The following ODAD1 variants were observed in gnomAD, a reference collection of about 807,000 sequenced individuals.
ODAD1 encodes outer dynein arm-docking complex subunit 1.
A neutral mutation model predicts 67.2 loss-of-function variants in ODAD1; 49 were observed. The ratio of observed to expected loss-of-function variants is 0.73; its 90% CI spans 0.58 to 0.92. ODAD1 has a LOEUF of 0.92. Among genes scored for constraint, ODAD1 ranks in the 40% least tolerant of loss-of-function variants. The pLI, the probability that ODAD1 is intolerant of heterozygous loss-of-function variation, is 0.00. For synonymous variants in ODAD1, 345 were observed against 393.7 expected (o/e 0.88, Z 1.46); for missense variants, 897 against 953.7 (o/e 0.94, Z 0.78).
At chr19:48,313,448 C>CAAAAAAAAAAAAAAAAAAAAAAA (rs1291428185) in intron 5 of ODAD1, among the ~76,000 whole-genome samples, 2 of 86,926 alleles carry the variant, frequency 2.3e-5, no homozygotes, top group African/African-American at 1.0e-4. Context: ...AAAAAAAAAC[C>CAAAAAAAAAAAAAAAAAAAAAAA]AAAAAAAAAC....
chr19:48,313,380 T>C (rs1968815169), intron 5 of ODAD1, among the ~76,000 whole-genome samples: 1 of 145,876 alleles, frequency 6.9e-6, no homozygotes, highest in Admixed American at 6.9e-5. Flanking sequence ...TGAGCTGAGA[T>C]TGTGCCACTG....
At position 48,298,309 on chromosome 19, in the gene ODAD1, G is replaced by A. The variant is rs555664154; in HGVS notation, c.1272C>T (p.Cys424=). 22 of 1,614,036 alleles carry A rather than the reference G, an allele frequency of 1.4e-5. No individual in the cohort carries two copies. The highest frequency in any genetic ancestry group is 6.7e-5 in the East Asian group (3 of 44,892). ...DIQLLFTKAH[C]DSSMIDDLLG... Reference sequence around the variant, plus strand: ...GGAGGTCATCGATCATGCTGCTGTCGCAATGGGCCTTGGTGAAGAGGAGCT... The same window carrying A: ...GGAGGTCATCGATCATGCTGCTGTCACAATGGGCCTTGGTGAAGAGGAGCT... The change falls in exon 13 of 16, where the codon TGC becomes TGT. Residue 424 remains cysteine, a synonymous_variant. Coordinates refer to ENST00000674294, the MANE Select transcript of ODAD1 (RefSeq NM_001364171.2).
intron 5 of ODAD1, among the ~76,000 whole-genome samples, chr19:48,313,881 T>TCAAAA (rs199535441): frequency 2.0e-5 from 3 of 150,014 alleles, no homozygotes; most frequent in South Asian, 2.1e-4. Context: ...AGATCCTGTC[T>TCAAAA]CAAAACAAAA....
intron 8 of ODAD1, 53 bp from the exon 9 acceptor site, chr19:48,304,193 T>G: frequency 6.6e-7 from 1 of 1,509,254 alleles, no homozygotes; most frequent in Non-Finnish European, 8.9e-7. Context: ...GGGGTCGGCC[T>G]GGGGTCCTGG....
intron 12 of ODAD1, among the ~76,000 whole-genome samples, chr19:48,299,718 C>T (rs2147311266): frequency 6.6e-6 from 1 of 152,170 alleles, no homozygotes; most frequent in Non-Finnish European, 1.5e-5. Flanking sequence ...AGGAGAATCG[C>T]TTGAACCAGG....
chr19:48,317,858 G>GTCAGGAGA (rs1968939788), intron 5 of ODAD1, among the ~76,000 whole-genome samples: 1 of 151,980 alleles, frequency 6.6e-6, no homozygotes, highest in Non-Finnish European at 1.5e-5. Flanking sequence ...GGATCACAAG[G>GTCAGGAGA]TCAGGAGATC....
rs1402433830 is a variant in ODAD1, at chr19:48,312,004, T to C, written c.473A>G (p.Gln158Arg). The C allele has an allele frequency of 2.6e-6, 4 of 1,551,336 alleles. No homozygotes were observed. The Admixed American group carries it at 7.8e-5, about 30-fold the overall frequency. The change falls in exon 6 of 16, where the codon CAG becomes CGG. Residue 158 changes from glutamine (Q) to arginine (R), a missense_variant. Transcript: ENST00000674294. Reference sequence around the variant, plus strand: ...GAGTTTGACCCTCACCCTGTCCAACTGGTTTTCTAGGATCCTGATCCTTCG... The same window carrying C: ...GAGTTTGACCCTCACCCTGTCCAACCGGTTTTCTAGGATCCTGATCCTTCG... ...IRRRIRILEN[Q>R]LDRVTCHFDN...
rs1021851017 is a variant in ODAD1 at position 48,311,986 on chromosome 19, A to T, written c.483+8T>A. On this transcript the variant is annotated splice_region_variant and intron_variant, in intron 6 of 15. Transcript: ENST00000674294. Reference sequence around the variant, plus strand: ...TTCAGGTCGAGGGACCAGGAGTTTGACCCTCACCCTGTCCAACTGGTTTTC... The same window carrying T: ...TTCAGGTCGAGGGACCAGGAGTTTGTCCCTCACCCTGTCCAACTGGTTTTC... 2 of 1,550,310 alleles carry T rather than the reference A, an allele frequency of 1.3e-6. No individual in the cohort carries two copies. The highest frequency in any genetic ancestry group is 1.7e-6 in the Non-Finnish European group (2 of 1,146,514).
chr19:48,317,888 C>A (rs1017476536), intron 5 of ODAD1, among the ~76,000 whole-genome samples: 14 of 152,114 alleles, frequency 9.2e-5, no homozygotes, highest in African/African-American at 3.4e-4. Flanking sequence ...TTGGCTAACA[C>A]AGTAAAATCC....
Position 48,298,309 on chromosome 19 carries a change from G to T in ODAD1, c.1272C>A (p.Cys424Ter). The part of the protein sequence containing the change: ...DIQLLFTKAH[C>*]DSSMIDDLLG... ...GGAGGTCATCGATCATGCTGCTGTC[G>T]CAATGGGCCTTGGTGAAGAGGAGCT... Residue 424 changes from cysteine (C) to a stop codon, truncating the protein, a stop_gained, in exon 13 of 16, where the codon TGC becomes TGA. Transcript: ENST00000674294. LOFTEE classifies it high-confidence loss of function. 1 of 1,614,154 alleles carries T rather than the reference G, an allele frequency of 6.2e-7. No homozygotes were observed. The highest frequency in any genetic ancestry group is 8.5e-7 in the Non-Finnish European group (1 of 1,180,020).
chr19:48,311,778 G>C (rs1968771539), intron 6 of ODAD1, 112 bp from the exon 7 acceptor site: 1 of 814,274 alleles, frequency 1.2e-6, no homozygotes, highest in Non-Finnish European at 2.1e-6. Context: ...CCTGTTTCCT[G>C]AGAAACAGAG....
intron 3 of ODAD1, 55 bp downstream of exon 3, chr19:48,320,244 G>A: frequency 1.7e-6 from 2 of 1,144,288 alleles, no homozygotes; most frequent in Non-Finnish European, 2.3e-6. Context: ...TGGAACTTGG[G>A]AAAGCTGGGG....
In ODAD1 at chr19:48,305,154, AAAG is replaced by A. The variant is rs2147319295; in HGVS notation, c.666-1017_666-1015del. ...AGAAGGTAAGAAAGCATTTGGAGCA[AAAG>A]AAGAGGGCGAAGCTGAGAAAGAGAC... On this transcript the variant is annotated intron_variant, in intron 8 of 15. Transcript: ENST00000674294. Among the ~76,000 whole-genome samples the A allele has an allele frequency of 1.3e-5, 2 of 152,292 alleles. 1 individual carries two copies. Among genetic ancestry groups the A allele is most frequent in the South Asian group, 4.1e-4 (2 of 4,832 alleles).
intron 8 of ODAD1, chr19:48,306,045 C>A: frequency 1.1e-5 from 3 of 267,048 alleles, no homozygotes; most frequent in Non-Finnish European, 1.7e-5. Context: ...GGCGACAGAG[C>A]CAGACTCTGT....
intron 8 of ODAD1, among the ~76,000 whole-genome samples, chr19:48,304,485 G>T (rs1968555623): frequency 6.6e-6 from 1 of 152,250 alleles, no homozygotes; most frequent in East Asian, 1.9e-4. Context: ...CAGACCTGGT[G>T]GTGCATGCCT....
rs145513107 is a variant in ODAD1 at position 48,320,338 on chromosome 19, G to A, written c.31C>T (p.Arg11Cys). Residue 11 changes from arginine (R) to cysteine (C), a missense_variant, in exon 3 of 16, where the codon CGC becomes TGC. By Grantham distance (180) the Arg-to-Cys change is radical (BLOSUM62 -3). Transcript: ENST00000674294. MPLGRLAGSA[R>C]SEEGSEAFLE... Reference sequence around the variant, plus strand: ...AATGCCTCGCTTCCCTCCTCGGAGCGGGCGCTCCCTGCCAAGCGTCCCAAA... The same window carrying A: ...AATGCCTCGCTTCCCTCCTCGGAGCAGGCGCTCCCTGCCAAGCGTCCCAAA... 5 of 1,289,056 alleles carry A rather than the reference G, an allele frequency of 3.9e-6. No homozygotes were observed. Among genetic ancestry groups the A allele is most frequent in the African/African-American group, 3.0e-5 (2 of 65,996 alleles). The allele number at this position is 1,289,056 out of a possible 1,614,324, so 79.9% of individuals were successfully genotyped here. A position where few individuals can be genotyped will look rare whatever the true frequency, so the allele number is the denominator to read the frequency against.
chr19:48,300,402 G>A (rs982257166), intron 12 of ODAD1, among the ~76,000 whole-genome samples: 1 of 152,132 alleles, frequency 6.6e-6, no homozygotes, highest in Non-Finnish European at 1.5e-5. Flanking sequence ...ATAAGTCACA[G>A]ACTTCAATGT....
intron 12 of ODAD1, among the ~76,000 whole-genome samples, chr19:48,299,066 G>A (rs750729619): frequency 2.6e-5 from 4 of 152,198 alleles, no homozygotes; most frequent in East Asian, 1.9e-4. Flanking sequence ...TTCCCAGAGC[G>A]GAAGGAGGAA....
At position 48,298,205 on chromosome 19, in the gene ODAD1, A is replaced by G. The variant is rs775678608; in HGVS notation, c.1376T>C (p.Leu459Pro). 31 of 1,613,198 alleles carry G rather than the reference A, an allele frequency of 1.9e-5. No individual in the cohort carries two copies. The highest frequency in any genetic ancestry group is 8.5e-7 in the Non-Finnish European group (1 of 1,179,946). Residue 459 changes from leucine to proline, a missense_variant, in exon 13 of 16, where the codon CTG becomes CCG. Physicochemically the swap from Leu to Pro is moderately conservative, Grantham distance 98 (BLOSUM62 -3). Coordinates refer to ENST00000674294, the MANE Select transcript of ODAD1 (RefSeq NM_001364171.2). ...GGCATGTAGGAAGGCCTGCACTGTCAGGAGCTCCACCAGCCGCTTCTCAAT... is the reference window on the plus strand; with the variant it reads ...GGCATGTAGGAAGGCCTGCACTGTCGGGAGCTCCACCAGCCGCTTCTCAAT... ...SLIEKRLVEL[L>P]TVQAFLHAQS...
Sources: gnomAD v4.1 joint callset for allele counts (sites outside exome capture counted in the v4.1 genomes callset) on GRCh38, gnomAD v4.1.1 for gene constraint, MANE v1.5 for transcripts, NCBI Gene and HGNC (gene_info 2026-07-23, HGNC 2026-07-21) for gene names.